The following KIF5C variants were observed in gnomAD, a reference collection of about 807,000 sequenced individuals.
The protein encoded by KIF5C is kinesin family member 5C.
A neutral mutation model predicts 125.2 loss-of-function variants in KIF5C; 18 were observed. The ratio of observed to expected loss-of-function variants is 0.14; its 90% CI spans 0.10 to 0.21. KIF5C has a LOEUF of 0.21. KIF5C is among the 10% of genes least tolerant of loss of function. The probability of loss-of-function intolerance (pLI) is 1.00; values close to 1 mark genes in which losing one functional copy is unlikely to be tolerated. For synonymous variants in KIF5C, 405 were observed against 434.0 expected (o/e 0.93, Z 0.83); for missense variants, 780 against 1,183.8 (o/e 0.66, Z 5.01).
At chr2:148,952,325 C>T (rs1262275406) in intron 10 of KIF5C, among the ~76,000 whole-genome samples, 3 of 152,218 alleles carry the variant, frequency 2.0e-5, no homozygotes, top group Admixed American at 6.5e-5. Context: ...GCCAGAGTCA[C>T]CGTGGGGCAT....
chr2:149,009,421 G>A (rs1272052854), intron 23 of KIF5C, among the ~76,000 whole-genome samples: 1 of 152,182 alleles, frequency 6.6e-6, no homozygotes, highest in East Asian at 1.9e-4. Flanking sequence ...AGCACTTTGT[G>A]ATTTTCAAAA....
chr2:148,987,193 G>T (rs1413902501), intron 15 of KIF5C, among the ~76,000 whole-genome samples: 3 of 152,132 alleles, frequency 2.0e-5, no homozygotes, highest in Admixed American at 2.0e-4. Context: ...GTTACAGGAG[G>T]AGCTATGAAG....
chr2:148,993,554 C>T (rs1033796507), intron 16 of KIF5C, among the ~76,000 whole-genome samples: 2 of 152,186 alleles, frequency 1.3e-5, no homozygotes, highest in Non-Finnish European at 2.9e-5. Context: ...CATTCATCCT[C>T]GTCACCAAAA....
chr2:148,971,322 A>G (rs1043694849), intron 11 of KIF5C, among the ~76,000 whole-genome samples: 2 of 148,002 alleles, frequency 1.4e-5, no homozygotes, highest in South Asian at 4.3e-4. Flanking sequence ...CTATCTATCT[A>G]TCTATCTATC....
chr2:148,896,869 C>T (rs143857415), intron 1 of KIF5C, among the ~76,000 whole-genome samples: 1,864 of 152,166 alleles, frequency 0.012, 34 homozygotes, highest in African/African-American at 0.043. Flanking sequence ...CTCACTCTGT[C>T]ACCCAGGCTG....
intron 21 of KIF5C, among the ~76,000 whole-genome samples, chr2:149,003,105 G>A (rs1266966640): frequency 6.6e-6 from 1 of 152,182 alleles, no homozygotes; most frequent in Non-Finnish European, 1.5e-5. Context: ...CGCATCAAAT[G>A]CACACTTTAA....
intron 1 of KIF5C, among the ~76,000 whole-genome samples, chr2:148,894,472 A>T (rs907769100): frequency 1.3e-5 from 2 of 152,226 alleles, no homozygotes; most frequent in Non-Finnish European, 2.9e-5. Flanking sequence ...TTAAAATTCT[A>T]TTGATAGTCC....
chr2:149,005,285 C>A, intron 21 of KIF5C, 108 bp from the exon 22 acceptor site: 1 of 1,514,950 alleles, frequency 6.6e-7, no homozygotes. Context: ...GGTGCACCAG[C>A]GGCGTCCATG....
At chr2:148,891,758 C>T (rs1197985329) in intron 1 of KIF5C, among the ~76,000 whole-genome samples, 16 of 152,046 alleles carry the variant, frequency 1.1e-4, no homozygotes, top group African/African-American at 2.9e-4. Flanking sequence ...AGTGCAATGG[C>T]GTGATCTCTG....
chr2:148,945,069 A>C (rs1248340111), intron 7 of KIF5C, among the ~76,000 whole-genome samples: 1 of 152,110 alleles, frequency 6.6e-6, no homozygotes, highest in Non-Finnish European at 1.5e-5. Context: ...ATGATTTATA[A>C]AATTTTCTTC....
chr2:148,940,969 G>T (rs1016037664), intron 4 of KIF5C, among the ~76,000 whole-genome samples: 1 of 152,200 alleles, frequency 6.6e-6, no homozygotes. Context: ...AGGGTTCAGG[G>T]TTCTGCAGTT....
intron 8 of KIF5C, chr2:148,947,228 G>A (rs753357244): frequency 2.0e-5 from 14 of 714,598 alleles, no homozygotes; most frequent in Middle Eastern, 8.3e-4. Context: ...TCACAGGCAG[G>A]TGCTTTGCAT....
intron 14 of KIF5C, 38 bp from the exon 15 acceptor site, chr2:148,983,582 G>T: frequency 1.3e-6 from 2 of 1,518,112 alleles, no homozygotes; most frequent in Non-Finnish European, 1.8e-6. Context: ...AAATTGATGG[G>T]CAACCCTTTG....
intron 6 of KIF5C, among the ~76,000 whole-genome samples, 195 bp downstream of exon 6, chr2:148,942,185 A>T (rs78597522): frequency 6.6e-6 from 1 of 152,314 alleles, no homozygotes; most frequent in South Asian, 2.1e-4. Context: ...TTATGACATT[A>T]TTATTTAATA....
chr2:149,008,527 A>G (rs1682080191), intron 23 of KIF5C, among the ~76,000 whole-genome samples: 1 of 152,154 alleles, frequency 6.6e-6, no homozygotes, highest in Non-Finnish European at 1.5e-5. Context: ...CCGGGACTGG[A>G]ACCAGCACCC....
intron 19 of KIF5C, 67 bp downstream of exon 19, chr2:148,998,576 A>G: frequency 6.5e-7 from 1 of 1,545,678 alleles, no homozygotes; most frequent in Non-Finnish European, 8.7e-7. Context: ...GGAAGCCTGG[A>G]AGGATGTGGC....
At chr2:148,948,714 T>C (rs1192531078) in intron 8 of KIF5C, among the ~76,000 whole-genome samples, 4 of 152,192 alleles carry the variant, frequency 2.6e-5, no homozygotes, top group African/African-American at 9.7e-5. Context: ...GCTGGCAGTT[T>C]GACATTTCTG....
chr2:148,997,050 T>A (rs1681694365), intron 17 of KIF5C, among the ~76,000 whole-genome samples: 1 of 152,194 alleles, frequency 6.6e-6, no homozygotes, highest in African/African-American at 2.4e-5. Context: ...CCTGCAGTTG[T>A]CGCGCTCCCC....
intron 1 of KIF5C, among the ~76,000 whole-genome samples, chr2:148,900,649 G>A (rs1274695370): frequency 1.3e-5 from 2 of 152,204 alleles, no homozygotes; most frequent in African/African-American, 4.8e-5. Context: ...ACTGGTCAGA[G>A]ATCGACACCT....
Sources: allele counts gnomAD v4.1 joint callset (sites outside exome capture counted in the v4.1 genomes callset), GRCh38; gene constraint gnomAD v4.1.1; transcripts MANE v1.5; gene names NCBI Gene and HGNC (gene_info 2026-07-23, HGNC 2026-07-21).